ADAM22: variants seen among roughly 807,000 people sequenced by gnomAD.
ADAM22 encodes disintegrin and metalloproteinase domain-containing protein 22.
In ADAM22, 65 loss-of-function variants were observed where a neutral mutation model predicts 144.6. The observed-to-expected ratio is 0.45, with a 90% CI of 0.37 to 0.55. The LOEUF (loss-of-function observed/expected upper bound fraction) is 0.55, where lower values mean the gene tolerates loss of function less well. Among genes scored for constraint, ADAM22 ranks in the 20% least tolerant of loss-of-function variants. The probability of loss-of-function intolerance (pLI) is 0.00; values close to 1 mark genes in which losing one functional copy is unlikely to be tolerated. For synonymous variants in ADAM22, 391 were observed against 412.6 expected, an observed-to-expected ratio of 0.95 and a Z score of 0.63; for missense variants, 974 against 1,184.9, an observed-to-expected ratio of 0.82 and a Z score of 2.61.
intron 3 of ADAM22, among the ~76,000 whole-genome samples, chr7:88,033,574 C>T (rs1252125918): frequency 6.6e-6 from 1 of 152,160 alleles, no homozygotes; most frequent in Non-Finnish European, 1.5e-5. Flanking sequence ...TTGCTCAAGG[C>T]CCTAAGGGTC....
At chr7:88,177,388 A>G (rs1341723218) in intron 26 of ADAM22, among the ~76,000 whole-genome samples, 1 of 152,162 alleles carries the variant, frequency 6.6e-6, no homozygotes, top group Non-Finnish European at 1.5e-5. Context: ...TATAAATGTG[A>G]AGTTTCATAT....
Position 87,934,487 on chromosome 7 carries a change from T to G in ADAM22, c.22T>G (p.Ser8Ala). 6.2e-7 allele frequency: 1 copy of G among 1,606,378 alleles called. No homozygotes were observed. Residue 8 changes from serine (S) to alanine (A), a missense_variant, in exon 1 of 32, where the codon TCC becomes GCC. Physicochemically the swap from Ser to Ala is moderately conservative, Grantham distance 99. This residue lies in a region of ADAM22 where 240 missense variants were observed against 234.3 expected (regional missense o/e 1.02). Coordinates refer to ENST00000413139, the MANE Select transcript of ADAM22 (RefSeq NM_001324418.2). MQAAVAV[S>A]VPFLLLCVLG... is the part of the protein sequence containing the mutation. ...CACCATGCAGGCGGCAGTGGCTGTGTCCGTGCCCTTCTTGCTGCTCTGTGT... is the reference window on the plus strand; with the variant it reads ...CACCATGCAGGCGGCAGTGGCTGTGGCCGTGCCCTTCTTGCTGCTCTGTGT...
chr7:88,084,641 A>G (rs1817916425), intron 4 of ADAM22, among the ~76,000 whole-genome samples: 3 of 152,168 alleles, frequency 2.0e-5, no homozygotes, highest in Admixed American at 6.5e-5. Flanking sequence ...ATCTGATAGA[A>G]GTCTATTTTC....
chr7:87,946,750 C>G (rs1325416237), intron 2 of ADAM22, among the ~76,000 whole-genome samples: 1 of 152,166 alleles, frequency 6.6e-6, no homozygotes, highest in Non-Finnish European at 1.5e-5. Flanking sequence ...CAAAAAGACA[C>G]ATGCACTCAT....
At chr7:88,044,789 G>C (rs10266440) in intron 3 of ADAM22, among the ~76,000 whole-genome samples, 1 of 150,424 alleles carries the variant, frequency 6.6e-6, no homozygotes. Flanking sequence ...GCAGTGGCGC[G>C]ATCTCGGCTC....
intron 22 of ADAM22, among the ~76,000 whole-genome samples, chr7:88,161,202 AAAAAC>A (rs1460839146): frequency 4.0e-5 from 6 of 151,872 alleles, no homozygotes; most frequent in African/African-American, 1.4e-4. Flanking sequence ...GGAAAAAAAA[AAAAAC>A]AAGTAATGGG....
intron 2 of ADAM22, among the ~76,000 whole-genome samples, chr7:87,947,711 C>T (rs922066037): frequency 2.6e-5 from 4 of 152,028 alleles, no homozygotes; most frequent in Non-Finnish European, 4.4e-5. Context: ...CATCTACTTG[C>T]GGTCTTTGAT....
chr7:87,997,632 AT>A (rs1791543933), intron 3 of ADAM22, among the ~76,000 whole-genome samples: 1 of 152,226 alleles, frequency 6.6e-6, no homozygotes, highest in African/African-American at 2.4e-5. Flanking sequence ...CGCTGCCTGC[AT>A]TCCCTGGGTG....
At chr7:88,028,670 A>AGT (rs1249637396) in intron 3 of ADAM22, among the ~76,000 whole-genome samples, 64 of 151,450 alleles carry the variant, frequency 4.2e-4, no homozygotes, top group African/African-American at 1.5e-3. Flanking sequence ...ACCAATGTTG[A>AGT]GTGTGTGTAT....
intron 17 of ADAM22, among the ~76,000 whole-genome samples, chr7:88,147,478 A>C (rs946470072): frequency 6.6e-6 from 1 of 152,228 alleles, no homozygotes; most frequent in African/African-American, 2.4e-5. Context: ...CTGCCTTTGA[A>C]AGCAGCCTTT....
At chr7:88,191,016 T>C (rs1365576059) in intron 30 of ADAM22, among the ~76,000 whole-genome samples, 1 of 151,706 alleles carries the variant, frequency 6.6e-6, no homozygotes, top group East Asian at 1.9e-4. Context: ...ATCAATTTTA[T>C]ACCAGCCTCC....
chr7:87,965,216 G>C (rs1468230570), intron 2 of ADAM22, among the ~76,000 whole-genome samples: 1 of 152,172 alleles, frequency 6.6e-6, no homozygotes, highest in Non-Finnish European at 1.5e-5. Context: ...GAAAGTCTCT[G>C]GTGTTTGACA....
At chr7:87,942,226 G>A (rs1842619580) in intron 2 of ADAM22, among the ~76,000 whole-genome samples, 1 of 152,172 alleles carries the variant, frequency 6.6e-6, no homozygotes, top group African/African-American at 2.4e-5. Context: ...ACTTTTAATA[G>A]TGTCACTATA....
chr7:87,988,300 T>C (rs762545344), intron 3 of ADAM22, among the ~76,000 whole-genome samples: 24 of 152,306 alleles, frequency 1.6e-4, no homozygotes, highest in African/African-American at 3.6e-4. Context: ...TCTTGGTCAC[T>C]GTTATATGAA....
intron 7 of ADAM22, among the ~76,000 whole-genome samples, chr7:88,119,647 C>T (rs1398004408): frequency 2.0e-5 from 3 of 152,100 alleles, no homozygotes; most frequent in African/African-American, 7.2e-5. Flanking sequence ...CACTATCATG[C>T]CTGGCTAATT....
chr7:88,000,797 ATTCATAT>A (rs564710116), intron 3 of ADAM22, among the ~76,000 whole-genome samples: 11 of 152,152 alleles, frequency 7.2e-5, no homozygotes, highest in Non-Finnish European at 1.3e-4. Context: ...GCTTAGGAAA[ATTCATAT>A]TTTTTTCAGC....
chr7:88,156,488 G>A (rs1239301395), intron 22 of ADAM22, among the ~76,000 whole-genome samples: 2 of 152,104 alleles, frequency 1.3e-5, no homozygotes, highest in Non-Finnish European at 2.9e-5. Context: ...TCAAAGCTGA[G>A]AAAGCTGAAT....
chr7:88,085,534 C>T (rs1271897495), intron 4 of ADAM22, among the ~76,000 whole-genome samples: 2 of 152,100 alleles, frequency 1.3e-5, no homozygotes, highest in Non-Finnish European at 2.9e-5. Context: ...GGTAACATAG[C>T]AAGAGACTGT....
At chr7:88,096,948 G>T (rs1287232184) in intron 4 of ADAM22, among the ~76,000 whole-genome samples, 2 of 151,964 alleles carry the variant, frequency 1.3e-5, no homozygotes, top group Non-Finnish European at 2.9e-5. Flanking sequence ...TTCCATGAAG[G>T]ATATTGTTTG....
Sources: gnomAD v4.1 joint callset for allele counts (sites outside exome capture counted in the v4.1 genomes callset) on GRCh38, gnomAD v4.1.1 for gene constraint, gnomAD v4.1.1 regional missense constraint, MANE v1.5 for transcripts, NCBI Gene and HGNC (gene_info 2026-07-23, HGNC 2026-07-21) for gene names.